Variants in LOC128706666 observed in about 807,000 individuals in gnomAD.
chr20:10,427,999 T>C, the LOC128706666 span, among the ~76,000 whole-genome samples: 1 of 152,384 alleles, frequency 6.6e-6, no homozygotes, highest in South Asian at 2.1e-4. Flanking sequence ...TTATGTCTTT[T>C]GCTATTCCTC....
chr20:10,414,737 T>C, the LOC128706666 span, among the ~76,000 whole-genome samples: 1 of 152,210 alleles, frequency 6.6e-6, no homozygotes, highest in Admixed American at 6.5e-5. Flanking sequence ...GCTGTTGGCA[T>C]GTCTACTGCA....
chr20:10,417,106 T>A, the LOC128706666 span, among the ~76,000 whole-genome samples: 1 of 151,844 alleles, frequency 6.6e-6, no homozygotes. Context: ...AAAAAACTAG[T>A]CAGGTGTGGT....
the LOC128706666 span, among the ~76,000 whole-genome samples, chr20:10,423,566 C>T: frequency 2.0e-5 from 3 of 152,148 alleles, no homozygotes; most frequent in African/African-American, 7.2e-5. Context: ...TTGTACTATT[C>T]TCTCCAGCAA....
At chr20:10,416,133 G>A in the LOC128706666 span, among the ~76,000 whole-genome samples, 2 of 151,770 alleles carry the variant, frequency 1.3e-5, no homozygotes, top group African/African-American at 4.8e-5. Context: ...ATTCTTGGAT[G>A]CACGGGCTTG....
At chr20:10,425,375 T>C in the LOC128706666 span, among the ~76,000 whole-genome samples, 1 of 152,236 alleles carries the variant, frequency 6.6e-6, no homozygotes, top group Admixed American at 6.5e-5. Context: ...TGGCAATAAA[T>C]ATTTGTGTAA....
the LOC128706666 span, among the ~76,000 whole-genome samples, chr20:10,416,293 G>T: frequency 3.3e-5 from 5 of 152,098 alleles, no homozygotes; most frequent in African/African-American, 7.2e-5. Flanking sequence ...AAAAGCAAAT[G>T]GAGTTCTTTG....
chr20:10,427,031 C>CACACACACAG, the LOC128706666 span, among the ~76,000 whole-genome samples: 1,316 of 29,740 alleles, frequency 0.044, 27 homozygotes, highest in South Asian at 0.099. Context: ...AAAACACTGA[C>CACACACACAG]ACACACACAC....
chr20:10,431,885 G>T, the LOC128706666 span: 1 of 152,136 alleles, frequency 6.6e-6, no homozygotes, highest in South Asian at 2.1e-4. Flanking sequence ...CCTACTCAGA[G>T]AGCCTTTCTC....
At chr20:10,428,590 G>C in the LOC128706666 span, among the ~76,000 whole-genome samples, 3 of 152,182 alleles carry the variant, frequency 2.0e-5, no homozygotes, top group African/African-American at 7.2e-5. Context: ...TCTAATTCCA[G>C]CACTCGGGGA....
the LOC128706666 span, among the ~76,000 whole-genome samples, chr20:10,429,774 C>T: frequency 1.3e-5 from 2 of 152,188 alleles, no homozygotes; most frequent in South Asian, 2.1e-4. Flanking sequence ...CACATGACCT[C>T]CTTGCTTCAA....
At chr20:10,428,153 C>G in the LOC128706666 span, among the ~76,000 whole-genome samples, 1 of 152,218 alleles carries the variant, frequency 6.6e-6, no homozygotes. Flanking sequence ...TGAAAACTAG[C>G]TTACCAGCAA....
At chr20:10,416,751 A>G in the LOC128706666 span, among the ~76,000 whole-genome samples, 4 of 152,240 alleles carry the variant, frequency 2.6e-5, no homozygotes, top group East Asian at 7.7e-4. Context: ...GGCAACCCCT[A>G]ATGAAATAGT....
the LOC128706666 span, among the ~76,000 whole-genome samples, chr20:10,426,794 G>A: frequency 8.7e-4 from 133 of 152,250 alleles, no homozygotes; most frequent in Admixed American, 2.0e-3. Flanking sequence ...AGTTCTGGAG[G>A]TAAGAAAAAC....
the LOC128706666 span, among the ~76,000 whole-genome samples, chr20:10,416,853 G>A: frequency 1.3e-5 from 2 of 152,178 alleles, no homozygotes; most frequent in Non-Finnish European, 2.9e-5. Context: ...TTATTGGAAA[G>A]CAGCCATGCT....
the LOC128706666 span, among the ~76,000 whole-genome samples, chr20:10,430,751 G>A: frequency 6.6e-6 from 1 of 152,204 alleles, no homozygotes; most frequent in East Asian, 1.9e-4. Flanking sequence ...AGCTGTGAAG[G>A]AAGTCAGAAA....
chr20:10,430,047 A>G, the LOC128706666 span, among the ~76,000 whole-genome samples: 1 of 150,948 alleles, frequency 6.6e-6, no homozygotes, highest in Non-Finnish European at 1.5e-5. Context: ...ACAAAAAAAC[A>G]AAAACAAAAA....
the LOC128706666 span, among the ~76,000 whole-genome samples, chr20:10,423,399 G>A: frequency 6.6e-6 from 1 of 152,080 alleles, no homozygotes; most frequent in Non-Finnish European, 1.5e-5. Context: ...TCCAGGACAG[G>A]TGATGAAATG....
At chr20:10,422,888 T>G in the LOC128706666 span, among the ~76,000 whole-genome samples, 1 of 151,898 alleles carries the variant, frequency 6.6e-6, no homozygotes, top group African/African-American at 2.4e-5. Flanking sequence ...ATTTTTTGTA[T>G]TTTTAGTAGA....
the LOC128706666 span, among the ~76,000 whole-genome samples, chr20:10,427,063 C>CACACACACACAA: frequency 8.9e-5 from 13 of 145,394 alleles, no homozygotes; most frequent in African/African-American, 3.0e-4. Context: ...CACACACACA[C>CACACACACACAA]ACACACACAC....
Sources: gnomAD v4.1 joint callset for allele counts (sites outside exome capture counted in the v4.1 genomes callset) on GRCh38, gnomAD v4.1.1 for gene constraint, MANE v1.5 for transcripts.